The following ATF2 variants were observed in gnomAD, a reference collection of about 807,000 sequenced individuals.
ATF2 encodes the protein cyclic AMP-dependent transcription factor ATF-2.
Under a neutral mutation model 60.6 loss-of-function variants are expected in ATF2, and 24 were observed. The ratio of observed to expected loss-of-function variants is 0.40; its 90% CI spans 0.29 to 0.56. The LOEUF is 0.56. ATF2 is among the 20% of genes least tolerant of loss of function. The probability of loss-of-function intolerance (pLI) is 0.54; values close to 1 mark genes in which losing one functional copy is unlikely to be tolerated. For synonymous variants in ATF2, 206 were observed against 215.4 expected, an observed-to-expected ratio of 0.96 and a Z score of 0.38; for missense variants, 433 against 607.7, an observed-to-expected ratio of 0.71 and a Z score of 3.02.
chr2:175,120,526 T>C (rs1239533196), intron 5 of ATF2, among the ~76,000 whole-genome samples: 2 of 151,592 alleles, frequency 1.3e-5, no homozygotes, highest in African/African-American at 2.4e-5. Context: ...AAACACTGCA[T>C]AGAACAATTT....
chr2:175,104,046 CTT>C (rs36010749), intron 10 of ATF2, among the ~76,000 whole-genome samples: 17 of 142,370 alleles, frequency 1.2e-4, no homozygotes, highest in East Asian at 2.0e-4. Context: ...ACTCTGAAGA[CTT>C]TTTTTTTTTT....
chr2:175,085,577 CACACACACACACACACACACAA>C (rs1694106641), intron 12 of ATF2, among the ~76,000 whole-genome samples: 1 of 151,026 alleles, frequency 6.6e-6, no homozygotes, highest in African/African-American at 2.5e-5. Context: ...CACACACACA[CACACACACACACACACACACAA>C]ATTCTCTCTT....
At chr2:175,097,627 A>T in intron 10 of ATF2, 34 bp from the exon 11 acceptor site, 1 of 1,609,584 alleles carries the variant, frequency 6.2e-7, no homozygotes, top group Non-Finnish European at 8.5e-7. Flanking sequence ...ATTTTTTTTA[A>T]GTCCTTAAAG....
At chr2:175,085,248 A>G (rs886249027) in intron 12 of ATF2, among the ~76,000 whole-genome samples, 1 of 152,174 alleles carries the variant, frequency 6.6e-6, no homozygotes, top group African/African-American at 2.4e-5. Flanking sequence ...AGTGATTTAA[A>G]TATAGACTGG....
chr2:175,155,195 T>C (rs1316670336), intron 1 of ATF2, among the ~76,000 whole-genome samples: 1 of 152,206 alleles, frequency 6.6e-6, no homozygotes, highest in East Asian at 1.9e-4. Context: ...CTGCCTACTT[T>C]CCCAGAGCCC....
At chr2:175,157,172 A>T (rs1199696879) in intron 1 of ATF2, among the ~76,000 whole-genome samples, 1 of 152,182 alleles carries the variant, frequency 6.6e-6, no homozygotes. Flanking sequence ...TCTTTGGTAA[A>T]ACTATTCTCA....
intron 4 of ATF2, among the ~76,000 whole-genome samples, chr2:175,126,121 T>C (rs897095317): frequency 6.6e-6 from 1 of 152,204 alleles, no homozygotes; most frequent in African/African-American, 2.4e-5. Context: ...ACTCTTATCA[T>C]AGTCTCTAAA....
chr2:175,164,976 C>T (rs1288795579), intron 1 of ATF2, among the ~76,000 whole-genome samples: 1 of 152,202 alleles, frequency 6.6e-6, no homozygotes, highest in Non-Finnish European at 1.5e-5. Context: ...CCTGCCTCAG[C>T]CTCCCCAGTA....
intron 1 of ATF2, among the ~76,000 whole-genome samples, chr2:175,152,390 C>CA (rs1304827295): frequency 6.6e-6 from 1 of 152,180 alleles, no homozygotes; most frequent in African/African-American, 2.4e-5. Context: ...CTCACATACT[C>CA]AGTCTACAAA....
chr2:175,128,329 C>T (rs1697489704), intron 4 of ATF2, among the ~76,000 whole-genome samples: 1 of 152,018 alleles, frequency 6.6e-6, no homozygotes, highest in South Asian at 2.1e-4. Context: ...GAAGAAACCC[C>T]ATCTCTACTA....
chr2:175,134,399 C>T lies in ATF2; in HGVS notation c.32+2013G>A, dbSNP rs10930692. Among the ~76,000 whole-genome samples, 280 of 151,848 alleles carry T rather than the reference C, an allele frequency of 1.8e-3. 2 individuals are homozygous for T. The highest frequency in any genetic ancestry group is 5.8e-3 in the African/African-American group (241 of 41,442). On this transcript the variant is annotated intron_variant, in intron 3 of 13. Coordinates refer to ENST00000264110, the MANE Select transcript of ATF2 (RefSeq NM_001880.4). The stretch of plus-strand genomic sequence containing the variant: ...GGAACAACTGTATATCTAAAAAAAA[C>T]GACTGATTTTCACAGGACTCTAAGT...
chr2:175,165,278 G>A (rs1312757820), intron 1 of ATF2, among the ~76,000 whole-genome samples: 1 of 152,138 alleles, frequency 6.6e-6, no homozygotes, highest in East Asian at 1.9e-4. Flanking sequence ...TTTCATAAGG[G>A]AGACTTCAAC....
chr2:175,130,714 T>A (rs1697667716), intron 3 of ATF2, among the ~76,000 whole-genome samples: 1 of 152,136 alleles, frequency 6.6e-6, no homozygotes, highest in Admixed American at 6.5e-5. Context: ...CACCTTTTCC[T>A]ATATTGGAAG....
At chr2:175,114,558 T>C (rs1007539237) in intron 8 of ATF2, 132 bp downstream of exon 8, 2 of 1,410,568 alleles carry the variant, frequency 1.4e-6, no homozygotes, top group African/African-American at 1.4e-5. Flanking sequence ...CAAGTACTTT[T>C]TCCAAAATTC....
chr2:175,157,477 C>G (rs1699759225), intron 1 of ATF2, among the ~76,000 whole-genome samples: 2 of 152,164 alleles, frequency 1.3e-5, no homozygotes, highest in Non-Finnish European at 1.5e-5. Context: ...CTACAGGAAC[C>G]CAAGTGGCCA....
intron 2 of ATF2, among the ~76,000 whole-genome samples, chr2:175,137,008 A>T (rs534037826): frequency 3.4e-4 from 52 of 152,306 alleles, no homozygotes; most frequent in African/African-American, 1.2e-3. Context: ...ACCCATTTTT[A>T]AAACTCCACC....
At chr2:175,130,362 A>G (rs1697644450) in intron 3 of ATF2, among the ~76,000 whole-genome samples, 155 bp from the exon 4 acceptor site, 1 of 152,120 alleles carries the variant, frequency 6.6e-6, no homozygotes, top group African/African-American at 2.4e-5. Flanking sequence ...CTTTCTTATT[A>G]TGAGAGTAGA....
intron 4 of ATF2, among the ~76,000 whole-genome samples, chr2:175,127,507 G>A (rs558209243): frequency 2.5e-4 from 38 of 152,212 alleles, no homozygotes; most frequent in African/African-American, 9.2e-4. Flanking sequence ...TTGTCTCCCT[G>A]TGACCACTCA....
intron 13 of ATF2, among the ~76,000 whole-genome samples, chr2:175,078,536 G>C (rs1022059680): frequency 6.6e-6 from 1 of 152,138 alleles, no homozygotes; most frequent in Non-Finnish European, 1.5e-5. Flanking sequence ...CCACGACTGA[G>C]GGGTCTTCTT....
Sources: allele counts gnomAD v4.1 joint callset (sites outside exome capture counted in the v4.1 genomes callset), GRCh38; gene constraint gnomAD v4.1.1; transcripts MANE v1.5; gene names NCBI Gene and HGNC (gene_info 2026-07-23, HGNC 2026-07-21).